The following BABAM2 variants were observed in gnomAD, a reference collection of about 807,000 sequenced individuals.
BABAM2 encodes the protein BRISC and BRCA1 A complex member 2.
Under a neutral mutation model 54.7 loss-of-function variants are expected in BABAM2, and 31 were observed. The observed-to-expected ratio is 0.57, with a 90% CI of 0.43 to 0.77. BABAM2 has a LOEUF of 0.77. Among genes scored for constraint, BABAM2 ranks in the 30% least tolerant of loss-of-function variants. The probability of loss-of-function intolerance (pLI) is 0.00; values close to 1 mark genes in which losing one functional copy is unlikely to be tolerated. For missense variants in BABAM2, 364 were observed against 455.8 expected, an observed-to-expected ratio of 0.80 and a Z score of 1.83; for synonymous variants, 167 against 162.9, an observed-to-expected ratio of 1.03 and a Z score of -0.19.
chr2:28,000,194 G>A (rs1459447756), intron 4 of BABAM2, among the ~76,000 whole-genome samples: 1 of 151,982 alleles, frequency 6.6e-6, no homozygotes, highest in South Asian at 2.1e-4. Flanking sequence ...TTTTCTTAAT[G>A]TCCTTTTTCT....
intron 2 of BABAM2, among the ~76,000 whole-genome samples, chr2:27,897,640 T>G (rs538600490): frequency 1.2e-4 from 18 of 150,818 alleles, no homozygotes; most frequent in Middle Eastern, 3.4e-3. Context: ...CTTTTTAGGG[T>G]TTTTTTTTGT....
chr2:28,091,785 G>A (rs1226597964), intron 6 of BABAM2, among the ~76,000 whole-genome samples: 1 of 152,000 alleles, frequency 6.6e-6, no homozygotes, highest in Non-Finnish European at 1.5e-5. Flanking sequence ...TGCATACTTG[G>A]GAAAATAATA....
intron 1 of BABAM2, 89 bp from the exon 2 acceptor site, chr2:27,894,444 A>T: frequency 8.2e-7 from 1 of 1,225,528 alleles, no homozygotes; most frequent in Non-Finnish European, 1.2e-6. Flanking sequence ...ATGCAAGAGG[A>T]ACTGCTGTAT....
chr2:28,007,445 C>T (rs1674057407), intron 4 of BABAM2, among the ~76,000 whole-genome samples: 1 of 152,008 alleles, frequency 6.6e-6, no homozygotes, highest in Non-Finnish European at 1.5e-5. Context: ...AAATTGGCTC[C>T]AAGACATAAT....
chr2:28,030,254 ATAG>A (rs1323801677), intron 5 of BABAM2, among the ~76,000 whole-genome samples: 1 of 152,176 alleles, frequency 6.6e-6, no homozygotes, highest in Non-Finnish European at 1.5e-5. Context: ...GTTTGTATTT[ATAG>A]TATTTTTTAA....
At chr2:28,022,990 G>C (rs992842071) in intron 4 of BABAM2, among the ~76,000 whole-genome samples, 2 of 152,194 alleles carry the variant, frequency 1.3e-5, no homozygotes, top group African/African-American at 4.8e-5. Context: ...TGGTCGTGTA[G>C]CAATACTAGA....
At chr2:27,967,077 C>G (rs1558624567) in intron 3 of BABAM2, among the ~76,000 whole-genome samples, 1 of 152,164 alleles carries the variant, frequency 6.6e-6, no homozygotes, top group Non-Finnish European at 1.5e-5. Flanking sequence ...ACATATATTT[C>G]TTCATTGAAC....
Position 28,226,164 on chromosome 2 carries a change from A to G in BABAM2, c.681-11038A>G, listed in dbSNP as rs1353713553. ...AGCCGTGCTCATTCATTTACATATT[A>G]TCTGCGGCTGCCTTTGCACTTCAGC... On this transcript the variant is annotated intron_variant, in intron 7 of 11. Coordinates refer to ENST00000379624, the MANE Select transcript of BABAM2 (RefSeq NM_199191.3). Among the ~76,000 whole-genome samples the G allele has an allele frequency of 2.6e-5, 4 of 152,222 alleles. No individual in the cohort carries two copies. In the East Asian group the frequency reaches 7.7e-4, roughly 29 times the overall value.
rs144086647 is a variant in BABAM2, at chr2:28,155,715, G to C, written c.680+26335G>C. Among the ~76,000 whole-genome samples, 738 of 152,226 alleles carry C rather than the reference G, an allele frequency of 4.8e-3. 8 individuals carry two copies. Among genetic ancestry groups the C allele is most frequent in the African/African-American group, 0.017 (711 of 41,536 alleles). On this transcript the variant is annotated intron_variant, in intron 7 of 11. Coordinates refer to ENST00000379624, the MANE Select transcript of BABAM2 (RefSeq NM_199191.3). ...AATGAGCTATAAAGAGAAAAGGAGA[G>C]ACAGTGAGAAAAAACAGCATTTTCT...
intron 6 of BABAM2, among the ~76,000 whole-genome samples, chr2:28,063,976 G>T (rs1288381002): frequency 6.6e-6 from 1 of 152,176 alleles, no homozygotes; most frequent in East Asian, 1.9e-4. Context: ...TTCAATTCAG[G>T]TCTGTCTCAC....
At chr2:28,148,909 A>G (rs895653792) in intron 7 of BABAM2, among the ~76,000 whole-genome samples, 1 of 152,188 alleles carries the variant, frequency 6.6e-6, no homozygotes, top group Non-Finnish European at 1.5e-5. Flanking sequence ...ATAAATGATC[A>G]TCTCTCCAAG....
intron 7 of BABAM2, among the ~76,000 whole-genome samples, chr2:28,171,112 A>AATATAT (rs78174752): frequency 3.1e-3 from 461 of 148,842 alleles, no homozygotes; most frequent in African/African-American, 9.8e-3. Context: ...TGCTTTTTAA[A>AATATAT]ATATATATAT....
intron 6 of BABAM2, among the ~76,000 whole-genome samples, chr2:28,098,952 A>G (rs554313740): frequency 6.6e-6 from 1 of 152,232 alleles, no homozygotes; most frequent in Non-Finnish European, 1.5e-5. Context: ...CCCTTTGGAT[A>G]TACTAACAAG....
At chr2:27,952,795 A>G (rs1573249323) in intron 3 of BABAM2, among the ~76,000 whole-genome samples, 1 of 152,298 alleles carries the variant, frequency 6.6e-6, no homozygotes, top group Admixed American at 6.5e-5. Context: ...AGGGGAAACA[A>G]TTGTGTATTG....
intron 2 of BABAM2, among the ~76,000 whole-genome samples, chr2:27,901,059 A>G (rs1222351475): frequency 6.6e-6 from 1 of 151,520 alleles, no homozygotes; most frequent in Non-Finnish European, 1.5e-5. Context: ...AAAAAAAAAA[A>G]AAAGGAAATT....
At chr2:28,003,846 A>T (rs768097511) in intron 4 of BABAM2, among the ~76,000 whole-genome samples, 15 of 152,174 alleles carry the variant, frequency 9.9e-5, no homozygotes, top group South Asian at 2.1e-4. Flanking sequence ...TGGAGGCCAA[A>T]ATGACCAAGG....
At chr2:28,178,343 G>T (rs1456581349) in intron 7 of BABAM2, among the ~76,000 whole-genome samples, 1 of 152,020 alleles carries the variant, frequency 6.6e-6, no homozygotes, top group Non-Finnish European at 1.5e-5. Flanking sequence ...TCAAAAAGAA[G>T]AAGAACTTCA....
chr2:28,236,730 G>C (rs1681951235), intron 7 of BABAM2, among the ~76,000 whole-genome samples: 1 of 152,132 alleles, frequency 6.6e-6, no homozygotes, highest in Admixed American at 6.5e-5. Flanking sequence ...CTTAGTGCTT[G>C]GATCAGTGAT....
intron 6 of BABAM2, among the ~76,000 whole-genome samples, chr2:28,095,189 C>A (rs557712285): frequency 2.6e-5 from 4 of 152,256 alleles, no homozygotes; most frequent in Non-Finnish European, 4.4e-5. Flanking sequence ...GGTGAGGAAA[C>A]TGAGGCATTG....
Sources: allele counts gnomAD v4.1 joint callset (sites outside exome capture counted in the v4.1 genomes callset), GRCh38; gene constraint gnomAD v4.1.1; transcripts MANE v1.5; gene names NCBI Gene and HGNC (gene_info 2026-07-23, HGNC 2026-07-21).